MCPH1: variants seen among roughly 807,000 people sequenced by gnomAD.
MCPH1 encodes the protein microcephalin.
In MCPH1, 104 loss-of-function variants were observed where a neutral mutation model predicts 84.5. That is an observed-to-expected ratio of 1.23 (90% CI 1.05 to 1.45). The LOEUF (loss-of-function observed/expected upper bound fraction) is 1.45. MCPH1 is among the 40% of genes most tolerant of loss of function. The pLI, the probability that MCPH1 is intolerant of heterozygous loss-of-function variation, is 0.00. For missense variants in MCPH1, 1,498 were observed against 1,005.7 expected (o/e 1.49, Z -6.62); for synonymous variants, 514 against 366.8 (o/e 1.40, Z -4.58).
intron 11 of MCPH1, among the ~76,000 whole-genome samples, chr8:6,489,695 A>G (rs1380512909): frequency 6.6e-6 from 1 of 152,164 alleles, no homozygotes. Flanking sequence ...TTGGCAGCGA[A>G]TGGGGCACTG....
intron 12 of MCPH1, among the ~76,000 whole-genome samples, chr8:6,614,833 G>C (rs1830644131): frequency 6.6e-6 from 1 of 152,138 alleles, no homozygotes; most frequent in African/African-American, 2.4e-5. Flanking sequence ...GATTCCTGGT[G>C]AGTTTGACTT....
chr8:6,566,603 C>T (rs1241737411), intron 12 of MCPH1, among the ~76,000 whole-genome samples: 5 of 151,940 alleles, frequency 3.3e-5, no homozygotes, highest in South Asian at 2.1e-4. Context: ...GGATAGTGCC[C>T]GTGGTGTGGT....
At chr8:6,535,632 T>G (rs1009953784) in intron 12 of MCPH1, among the ~76,000 whole-genome samples, 4 of 152,254 alleles carry the variant, frequency 2.6e-5, no homozygotes, top group African/African-American at 9.6e-5. Flanking sequence ...TTGAAGCATG[T>G]ATCATTTAAA....
intron 12 of MCPH1, among the ~76,000 whole-genome samples, chr8:6,538,403 A>AATCC (rs567465410): frequency 2.6e-5 from 4 of 152,284 alleles, no homozygotes; most frequent in Non-Finnish European, 5.9e-5. Flanking sequence ...CAGAGTCAGG[A>AATCC]ATCCACATGC....
intron 13 of MCPH1, among the ~76,000 whole-genome samples, chr8:6,627,905 G>A (rs1258355313): frequency 2.0e-5 from 3 of 146,932 alleles, no homozygotes; most frequent in Non-Finnish European, 3.0e-5. Context: ...ATATATATGT[G>A]TTTATATATA....
chr8:6,430,525 C>T (rs1250942133), intron 3 of MCPH1, among the ~76,000 whole-genome samples: 2 of 152,118 alleles, frequency 1.3e-5, no homozygotes, highest in African/African-American at 2.4e-5. Context: ...CATACTGTGC[C>T]GTACAGAGGC....
At chr8:6,625,750 C>T (rs565202656) in intron 13 of MCPH1, 3 of 978,040 alleles carry the variant, frequency 3.1e-6, no homozygotes, top group South Asian at 9.5e-5. Context: ...CACCACTGTA[C>T]TCCAGCCTAG....
At chr8:6,418,240 G>T (rs537736605) in intron 3 of MCPH1, among the ~76,000 whole-genome samples, 1 of 151,996 alleles carries the variant, frequency 6.6e-6, no homozygotes, top group Admixed American at 6.6e-5. Context: ...TGCTTGCTGC[G>T]CCACACCAGC....
intron 11 of MCPH1, among the ~76,000 whole-genome samples, chr8:6,489,761 A>C (rs1810358122): frequency 6.6e-6 from 1 of 152,154 alleles, no homozygotes; most frequent in African/African-American, 2.4e-5. Flanking sequence ...TCATCGTCCT[A>C]GTGCTTGGCG....
chr8:6,619,569 G>C (rs367604290), intron 12 of MCPH1, among the ~76,000 whole-genome samples: 2 of 151,938 alleles, frequency 1.3e-5, no homozygotes, highest in East Asian at 1.9e-4. Flanking sequence ...GGGATTACAG[G>C]CGTGAGCCAC....
intron 12 of MCPH1, among the ~76,000 whole-genome samples, chr8:6,574,927 G>A (rs769091205): frequency 2.6e-5 from 4 of 152,056 alleles, no homozygotes; most frequent in African/African-American, 4.8e-5. Flanking sequence ...TTCGAAAAAC[G>A]GCAAAAAATG....
At chr8:6,513,871 TA>T (rs1461737214) in intron 12 of MCPH1, 1 of 1,576,508 alleles carries the variant, frequency 6.3e-7, no homozygotes, top group East Asian at 2.3e-5. Flanking sequence ...TAAATTCAAT[TA>T]TTTCATGTAA....
intron 11 of MCPH1, among the ~76,000 whole-genome samples, chr8:6,492,534 A>G (rs770664322): frequency 5.9e-5 from 9 of 151,852 alleles, no homozygotes; most frequent in Non-Finnish European, 1.2e-4. Flanking sequence ...TGTTTTAGAC[A>G]TGAAGTCCTT....
chr8:6,628,298 G>T (rs182481888), intron 13 of MCPH1, among the ~76,000 whole-genome samples: 1 of 151,758 alleles, frequency 6.6e-6, no homozygotes, highest in Non-Finnish European at 1.5e-5. Context: ...GTGAAACCCC[G>T]TCTCTATTAA....
intron 12 of MCPH1, chr8:6,503,047 G>T (rs1165588087): frequency 6.2e-7 from 1 of 1,603,402 alleles, no homozygotes; most frequent in Non-Finnish European, 8.5e-7. Flanking sequence ...TCAGTGCACT[G>T]GGCTTAAGTC....
intron 13 of MCPH1, chr8:6,626,980 T>G (rs568533247): frequency 4.9e-5 from 48 of 973,582 alleles, no homozygotes; most frequent in Non-Finnish European, 5.2e-5. Flanking sequence ...CTCAACAGCA[T>G]TGCCAAAAAA....
intron 9 of MCPH1, 149 bp downstream of exon 9, chr8:6,455,401 T>C: frequency 3.0e-6 from 2 of 668,022 alleles, no homozygotes; most frequent in Non-Finnish European, 5.3e-6. Context: ...ACTCAGAATA[T>C]GAAACTGAAA....
intron 12 of MCPH1, among the ~76,000 whole-genome samples, chr8:6,603,748 C>G (rs768178336): frequency 3.3e-5 from 5 of 152,164 alleles, no homozygotes; most frequent in Non-Finnish European, 5.9e-5. Context: ...AGGATCCAAA[C>G]TGGGACTTAG....
intron 12 of MCPH1, among the ~76,000 whole-genome samples, chr8:6,609,492 T>C (rs1315074969): frequency 1.3e-5 from 2 of 152,180 alleles, no homozygotes; most frequent in Admixed American, 1.3e-4. Flanking sequence ...TTTAAAAAAA[T>C]CCAAGTTTGG....
Sources: allele counts gnomAD v4.1 joint callset (sites outside exome capture counted in the v4.1 genomes callset), GRCh38; gene constraint gnomAD v4.1.1; transcripts MANE v1.5; gene names NCBI Gene and HGNC (gene_info 2026-07-23, HGNC 2026-07-21).